The following SPAG16 variants were observed in gnomAD, a reference collection of about 807,000 sequenced individuals.
The protein encoded by SPAG16 is sperm associated antigen 16, also known as sperm-associated antigen 16 protein.
SPAG16 carries 86 observed loss-of-function variants against 80.4 expected under a neutral mutation model. The observed-to-expected ratio is 1.07, with a 90% CI of 0.90 to 1.28. The LOEUF is 1.28. SPAG16 is among the 50% of genes most tolerant of loss of function. The pLI is 0.00. For missense variants in SPAG16, 870 were observed against 765.3 expected, an observed-to-expected ratio of 1.14 and a Z score of -1.61; for synonymous variants, 294 against 265.9, an observed-to-expected ratio of 1.11 and a Z score of -1.03.
chr2:214,124,623 C>T (rs149602076), intron 14 of SPAG16, among the ~76,000 whole-genome samples: 1 of 151,906 alleles, frequency 6.6e-6, no homozygotes, highest in East Asian at 1.9e-4. Flanking sequence ...TACAAGAAAA[C>T]TTGATTATCC....
At chr2:213,419,605 A>T (rs533212272) in intron 9 of SPAG16, among the ~76,000 whole-genome samples, 1 of 152,330 alleles carries the variant, frequency 6.6e-6, no homozygotes, top group African/African-American at 2.4e-5. Context: ...TTGAAAAAGA[A>T]CACCTTTTTA....
intron 15 of SPAG16, among the ~76,000 whole-genome samples, chr2:214,315,647 T>A (rs1695636082): frequency 6.6e-6 from 1 of 152,118 alleles, no homozygotes; most frequent in Non-Finnish European, 1.5e-5. Flanking sequence ...TCCTCCCACC[T>A]CAGTACTCTG....
chr2:213,994,967 A>C (rs2046448794), intron 12 of SPAG16, among the ~76,000 whole-genome samples: 1 of 152,164 alleles, frequency 6.6e-6, no homozygotes, highest in African/African-American at 2.4e-5. Flanking sequence ...TCTCTTGATA[A>C]AAGAATAAAG....
At chr2:213,684,124 A>G (rs892462767) in intron 10 of SPAG16, among the ~76,000 whole-genome samples, 1 of 152,262 alleles carries the variant, frequency 6.6e-6, no homozygotes, top group Non-Finnish European at 1.5e-5. Flanking sequence ...TACAAGGTTT[A>G]TAAAAGCTTG....
At chr2:213,626,669 A>G (rs559748145) in intron 10 of SPAG16, among the ~76,000 whole-genome samples, 4 of 119,202 alleles carry the variant, frequency 3.4e-5, no homozygotes, top group African/African-American at 1.4e-4. Flanking sequence ...TTTTTTTTGA[A>G]GATGGAGTCT....
At chr2:213,891,111 C>T (rs1187893783) in intron 11 of SPAG16, among the ~76,000 whole-genome samples, 2 of 151,868 alleles carry the variant, frequency 1.3e-5, no homozygotes, top group Non-Finnish European at 2.9e-5. Flanking sequence ...TTTATAAACA[C>T]AGAATATACA....
intron 10 of SPAG16, among the ~76,000 whole-genome samples, chr2:213,807,710 C>T (rs2071857691): frequency 6.6e-6 from 1 of 152,186 alleles, no homozygotes; most frequent in Non-Finnish European, 1.5e-5. Flanking sequence ...GCTTTGAAAA[C>T]TTCTGCTTAG....
At chr2:214,222,275 C>T (rs750353893) in intron 15 of SPAG16, among the ~76,000 whole-genome samples, 9 of 151,980 alleles carry the variant, frequency 5.9e-5, no homozygotes, top group Non-Finnish European at 1.2e-4. Context: ...CACCACTATG[C>T]CTGGCTAATT....
At chr2:213,894,390 A>G (rs2076908434) in intron 11 of SPAG16, among the ~76,000 whole-genome samples, 1 of 152,182 alleles carries the variant, frequency 6.6e-6, no homozygotes, top group Admixed American at 6.6e-5. Flanking sequence ...TAAAATTTAA[A>G]TCACTTTATA....
chr2:213,573,647 T>G (rs564484598), intron 10 of SPAG16, among the ~76,000 whole-genome samples: 1 of 152,348 alleles, frequency 6.6e-6, no homozygotes, highest in Non-Finnish European at 1.5e-5. Context: ...TTTGTATATA[T>G]TTTTATACGT....
intron 14 of SPAG16, among the ~76,000 whole-genome samples, chr2:214,113,372 G>A (rs551234354): frequency 6.6e-6 from 1 of 152,166 alleles, no homozygotes; most frequent in African/African-American, 2.4e-5. Context: ...TGAATGCCTT[G>A]CTAGGTTGGG....
At chr2:213,632,148 C>T (rs2062180626) in intron 10 of SPAG16, among the ~76,000 whole-genome samples, 1 of 151,962 alleles carries the variant, frequency 6.6e-6, no homozygotes, top group African/African-American at 2.4e-5. Flanking sequence ...TTGTCCTTTT[C>T]AATTTGTTTC....
intron 10 of SPAG16, among the ~76,000 whole-genome samples, chr2:213,703,417 C>G (rs1356770072): frequency 6.6e-6 from 1 of 152,166 alleles, no homozygotes; most frequent in African/African-American, 2.4e-5. Flanking sequence ...GTTTTAAAGA[C>G]TTTACTAAAA....
chr2:213,968,609 T>C (rs1259684475), intron 12 of SPAG16, among the ~76,000 whole-genome samples: 1 of 152,242 alleles, frequency 6.6e-6, no homozygotes, highest in East Asian at 1.9e-4. Flanking sequence ...AATGATTAAC[T>C]AGACTTTTTT....
intron 15 of SPAG16, among the ~76,000 whole-genome samples, chr2:214,374,367 A>C (rs1046213248): frequency 1.3e-5 from 2 of 152,174 alleles, no homozygotes; most frequent in Admixed American, 6.5e-5. Flanking sequence ...CTTACAATAA[A>C]ATATATCTGA....
intron 3 of SPAG16, among the ~76,000 whole-genome samples, chr2:213,298,533 A>G (rs2062600432): frequency 6.6e-6 from 1 of 152,216 alleles, no homozygotes; most frequent in South Asian, 2.1e-4. Flanking sequence ...CTTGGCACAT[A>G]GTTGGCACTA....
chr2:214,176,992 A>G (rs1407591171), intron 15 of SPAG16, among the ~76,000 whole-genome samples: 1 of 151,182 alleles, frequency 6.6e-6, no homozygotes, highest in Non-Finnish European at 1.5e-5. Context: ...ATATTCAGTT[A>G]TAATTGGGGA....
chr2:214,285,205 T>C (rs1693262597), intron 15 of SPAG16, among the ~76,000 whole-genome samples: 1 of 152,292 alleles, frequency 6.6e-6, no homozygotes, highest in South Asian at 2.1e-4. Flanking sequence ...TTTTCAATAG[T>C]ATTTCCCTGA....
At chr2:213,675,325 T>C (rs2064005727) in intron 10 of SPAG16, among the ~76,000 whole-genome samples, 1 of 152,164 alleles carries the variant, frequency 6.6e-6, no homozygotes, top group Non-Finnish European at 1.5e-5. Context: ...TTTTCTCCCA[T>C]TTTGTGGGTT....
Sources: allele counts gnomAD v4.1 joint callset (sites outside exome capture counted in the v4.1 genomes callset), GRCh38; gene constraint gnomAD v4.1.1; transcripts MANE v1.5; gene names NCBI Gene and HGNC (gene_info 2026-07-23, HGNC 2026-07-21).